The following TOP3B variants were observed in gnomAD, a reference collection of about 807,000 sequenced individuals.
TOP3B encodes the protein DNA topoisomerase 3-beta-1.
A neutral mutation model predicts 93.9 loss-of-function variants in TOP3B; 45 were observed. The observed-to-expected ratio is 0.48, with a 90% CI of 0.38 to 0.61. The LOEUF is 0.61. Ranked by LOEUF, TOP3B falls within the 20% of genes least tolerant of loss-of-function variation. The pLI, the probability that TOP3B is intolerant of heterozygous loss-of-function variation, is 0.00. For synonymous variants in TOP3B, 357 were observed against 472.6 expected, an observed-to-expected ratio of 0.76 and a Z score of 3.17; for missense variants, 750 against 1,156.1, an observed-to-expected ratio of 0.65 and a Z score of 5.09.
At chr22:21,974,760 TTCTC>T (rs1469598925) in intron 2 of TOP3B, 2 of 303,366 alleles carry the variant, frequency 6.6e-6, no homozygotes, top group Non-Finnish European at 1.2e-5. Flanking sequence ...GGTGGGCTCT[TTCTC>T]TGTATTTATG....
Position 21,970,025 on chromosome 22 carries a change from C to T in TOP3B, c.581+185G>A, listed in dbSNP as rs564052952. On this transcript the variant is annotated intron_variant, in intron 6 of 17. Transcript: ENST00000357179. This position sits in a 1 kb window ranked among gnomAD's most constrained non-coding sequence, Gnocchi z 4.4. ...CCTCAAGCAATCCTCCTATCCTGGT[C>T]TCCCAAAGTGCAGGGATTACAGGTG... is the stretch of plus-strand genomic sequence containing the variant. 6.7e-6 allele frequency: 4 copies of T among 600,002 alleles called. No homozygotes were observed. The African/African-American group carries it at 7.5e-5, about 11-fold the overall frequency. The allele number at this position is 600,002 out of a possible 1,614,324, so 37.2% of individuals were successfully genotyped here. A position where few individuals can be genotyped will look rare whatever the true frequency, so the allele number is the denominator to read the frequency against.
rs757293443 is a variant in TOP3B, at chr22:21,972,650, C to T, written c.271G>A (p.Glu91Lys). The change falls in exon 4 of 18, where the codon GAA becomes AAA. Residue 91 changes from glutamate to lysine, a missense_variant. Physicochemically the swap from Glu to Lys is moderately conservative, Grantham distance 56 (BLOSUM62 1). Transcript: ENST00000357179. ...LFSQAPTEKK[E>K]ANPKLNMVKF... ...ACCATGTTCAGCTTGGGGTTAGCTT[C>T]TTTCTTCTCCGTGGGAGCTTGGCTG... is the stretch of plus-strand genomic sequence containing the variant. The T allele has an allele frequency of 7.4e-6, 12 of 1,611,816 alleles. No individual in the cohort carries two copies.
At position 21,974,659 on chromosome 22, in the gene TOP3B, G is replaced by A. The variant is rs138674699; in HGVS notation, c.71-171C>T. On this transcript the variant is annotated intron_variant, in intron 2 of 17. Transcript: ENST00000357179. Reference sequence around the variant, plus strand: ...GTAGTTGGGCACTGAGAGGTGGGACGGCGCTCAGGGAAAACAGCATCTGCC... The same window carrying A: ...GTAGTTGGGCACTGAGAGGTGGGACAGCGCTCAGGGAAAACAGCATCTGCC... 1.2e-3 allele frequency: 785 copies of A among 663,652 alleles called. 1 individual carries two copies. Among genetic ancestry groups the A allele is most frequent in the African/African-American group, 9.9e-3 (541 of 54,786 alleles). The allele number at this position is 663,652 out of a possible 1,614,324, so 41.1% of individuals were successfully genotyped here.
At position 21,963,933 on chromosome 22, in the gene TOP3B, C is replaced by A; in HGVS notation, c.1194G>T (p.Glu398Asp). The A allele has an allele frequency of 6.2e-7, 1 of 1,613,728 alleles. No individual in the cohort carries two copies. Among genetic ancestry groups the A allele is most frequent in the South Asian group, 1.1e-5 (1 of 91,070 alleles). The change falls in exon 11 of 18, where the codon GAG becomes GAT. Residue 398 changes from glutamate (E) to aspartate (D), a missense_variant. Transcript: ENST00000357179. This position sits in a 1 kb window ranked among gnomAD's most constrained non-coding sequence, Gnocchi z 4.8. Reference protein sequence around the residue: ...PPITPMKSATEAELGGDAWRL... With the variant: ...PPITPMKSATDAELGGDAWRL... ...GGATGAGAGCGGTACCTAATTCGGC[C>A]TCTGTGGCAGACTTCATGGGGGTGA...
Position 21,959,601 on chromosome 22 carries a change from A to G in TOP3B, c.1790T>C (p.Val597Ala). 6.2e-7 allele frequency: 1 copy of G among 1,612,026 alleles called. No individual in the cohort carries two copies. The highest frequency in any genetic ancestry group is 2.2e-5 in the East Asian group (1 of 44,830). Residue 597 changes from valine to alanine, a missense_variant, in exon 15 of 18, where the codon GTC becomes GCC. By Grantham distance (64) the Val-to-Ala change is moderately conservative (BLOSUM62 0). This residue lies in a region of TOP3B where 737 missense variants were observed against 933.7 expected (regional missense o/e 0.79). Transcript: ENST00000357179. The stretch of plus-strand genomic sequence containing the variant: ...GCAGACTCTACCAGCAATGGAGTCG[A>G]CAAAGTAGTGGAACTTCCTCTTGAA... ...DVFKRKFHYFVDSIAGMDELM... is the reference protein window; with the variant it reads ...DVFKRKFHYFADSIAGMDELM...
intron 14 of TOP3B, 39 bp from the exon 15 acceptor site, chr22:21,959,775 C>A (rs766961160): frequency 5.6e-6 from 9 of 1,596,572 alleles, no homozygotes; most frequent in Non-Finnish European, 6.8e-6. Context: ...CCTGAGCACT[C>A]GCACCCAGGG....
rs543519645 is a variant in TOP3B, at chr22:21,958,542, G to A, written c.2057C>T (p.Pro686Leu). The A allele has an allele frequency of 2.2e-5, 35 of 1,614,076 alleles. No individual in the cohort carries two copies. The highest frequency in any genetic ancestry group is 2.1e-4 in the South Asian group (19 of 91,074). ...WSSGSRGKSY[P>L]LCPYCYNHPP... ...GTGGTTGTAGCAGTAGGGGCACAGCGGGTAGCTCTTGCCCCGAGAGCCTGA... is the reference window on the plus strand; with the variant it reads ...GTGGTTGTAGCAGTAGGGGCACAGCAGGTAGCTCTTGCCCCGAGAGCCTGA... The change falls in exon 17 of 18, where the codon CCG becomes CTG. Residue 686 changes from proline (P) to leucine (L), a missense_variant. Transcript: ENST00000357179.
intron 1 of TOP3B, among the ~76,000 whole-genome samples, chr22:21,979,819 T>C (rs1395346250): frequency 6.6e-6 from 1 of 150,942 alleles, no homozygotes; most frequent in African/African-American, 2.4e-5. Context: ...CAGGCGCCTG[T>C]AGTCCCAGCT....
chr22:21,959,171 TGA>T lies in TOP3B; in HGVS notation c.1864_1865del (p.Ser622ThrfsTer26). 1 of 1,613,806 alleles carries T rather than the reference TGA, an allele frequency of 6.2e-7. No homozygotes were observed. Among genetic ancestry groups the T allele is most frequent in the Non-Finnish European group, 8.5e-7 (1 of 1,179,990 alleles). ...SPLAATGKPL[S>X]RCGKCHRFMK... is the part of the protein sequence containing the mutation. ...TGAAGCGGTGGCACTTCCCACAGCG[TGA>T]GAGGGGCTTGCCTGTGGCCGCCAGG... On this transcript the variant is annotated frameshift_variant, in exon 16 of 18. Coordinates refer to ENST00000357179, the MANE Select transcript of TOP3B (RefSeq NM_001282112.2). LOFTEE classifies it high-confidence loss of function.
intron 1 of TOP3B, among the ~76,000 whole-genome samples, chr22:21,981,856 T>A (rs1306758639): frequency 6.6e-6 from 1 of 152,012 alleles, no homozygotes. Context: ...CTAGCAGTGG[T>A]CTGAATAGCA....
chr22:21,975,539 C>G, intron 2 of TOP3B, 101 bp downstream of exon 2: 2 of 1,360,502 alleles, frequency 1.5e-6, no homozygotes, highest in Non-Finnish European at 1.9e-6. Context: ...CCGACCCGAA[C>G]CAAATCTACC....
At chr22:21,961,394 G>A (rs1171828591) in intron 13 of TOP3B, 1 of 152,348 alleles carries the variant, frequency 6.6e-6, no homozygotes, top group Non-Finnish European at 1.5e-5. Flanking sequence ...TGTTCAGAAG[G>A]TAACACCAGA....
chr22:21,962,734 C>A lies in TOP3B; in HGVS notation c.1351+13G>T, dbSNP rs1291424916. On this transcript the variant is annotated intron_variant, in intron 12 of 17. Coordinates refer to ENST00000357179, the MANE Select transcript of TOP3B (RefSeq NM_001282112.2). ...GAAGGCACAGAGGAGGAAGGCTGGGCCCGTGGTGTGACCTGGTGAGAGGAC... is the reference window on the plus strand; with the variant it reads ...GAAGGCACAGAGGAGGAAGGCTGGGACCGTGGTGTGACCTGGTGAGAGGAC... 7 of 1,613,972 alleles carry A rather than the reference C, an allele frequency of 4.3e-6. No homozygotes were observed. Among genetic ancestry groups the A allele is most frequent in the East Asian group, 2.2e-5 (1 of 44,894 alleles).
chr22:21,970,143 G>A lies in TOP3B; in HGVS notation c.581+67C>T, dbSNP rs1171909897. On this transcript the variant is annotated intron_variant, in intron 6 of 17. Transcript: ENST00000357179. The surrounding 1 kb of genome is among the most constrained non-coding windows in gnomAD (Gnocchi z 4.4). Reference sequence around the variant, plus strand: ...GCCTAGGGGCCCCGGAGGGGGACCAGTAGAGGCAGGTCTCTGGCTGAGGGA... The same window carrying A: ...GCCTAGGGGCCCCGGAGGGGGACCAATAGAGGCAGGTCTCTGGCTGAGGGA... 1.3e-6 allele frequency: 2 copies of A among 1,566,986 alleles called. No individual in the cohort carries two copies. The highest frequency in any genetic ancestry group is 2.7e-5 in the African/African-American group (2 of 73,964).
At chr22:21,981,989 T>C (rs2084641886) in intron 1 of TOP3B, among the ~76,000 whole-genome samples, 1 of 152,154 alleles carries the variant, frequency 6.6e-6, no homozygotes, top group Non-Finnish European at 1.5e-5. Context: ...CTATCAACAC[T>C]ATTCAATCTC....
chr22:21,972,903 T>A (rs2071702331), intron 3 of TOP3B, 185 bp from the exon 4 acceptor site: 2 of 592,694 alleles, frequency 3.4e-6, no homozygotes, highest in African/African-American at 3.8e-5. Context: ...GGTAACCCCC[T>A]CCCATCCAGC....
At chr22:21,959,503 C>T (rs566987426) in intron 15 of TOP3B, 84 bp downstream of exon 15, 229 of 1,525,416 alleles carry the variant, frequency 1.5e-4, no homozygotes, top group Non-Finnish European at 1.9e-4. Context: ...GCTGGTCCCA[C>T]GTGGGGACCT....
chr22:21,961,078 C>T (rs2071157865), intron 13 of TOP3B: 1 of 153,868 alleles, frequency 6.5e-6, no homozygotes, highest in South Asian at 2.0e-4. Context: ...AGAAAGGAGG[C>T]TGGGGCTCCC....
At position 21,958,607 on chromosome 22, in the gene TOP3B, G is replaced by A. The variant is rs757027771; in HGVS notation, c.1992C>T (p.Leu664=). 4 of 1,614,116 alleles carry A rather than the reference G, an allele frequency of 2.5e-6. No individual in the cohort carries two copies. The highest frequency in any genetic ancestry group is 3.4e-6 in the Non-Finnish European group (4 of 1,180,046). Residue 664 remains leucine (L), a synonymous_variant, in exon 17 of 18, where the codon CTC becomes CTT. Transcript: ENST00000357179. ...GCTCGAAGTCATCCAGAGGGCAGCG[G>A]AGCTCCTTGTAGAGCTTGATGGTGC... ...QNGTIKLYKE[L]RCPLDDFELV... is the part of the protein sequence containing the mutation.
Sources: gnomAD v4.1 joint callset for allele counts (sites outside exome capture counted in the v4.1 genomes callset) on GRCh38, gnomAD v4.1.1 for gene constraint, gnomAD v4.1.1 regional missense constraint, Gnocchi (gnomAD v3.1) non-coding constraint, MANE v1.5 for transcripts, NCBI Gene and HGNC (gene_info 2026-07-23, HGNC 2026-07-21) for gene names.